Variants in SEMA3E observed in about 807,000 individuals in gnomAD.
The protein encoded by SEMA3E is semaphorin 3E, also known as semaphorin-3E.
In SEMA3E, 49 loss-of-function variants were observed where a neutral mutation model predicts 93.6. The ratio of observed to expected loss-of-function variants is 0.52; its 90% CI spans 0.42 to 0.66. The LOEUF is 0.66. Among genes scored for constraint, SEMA3E ranks in the 30% least tolerant of loss-of-function variants. The pLI is 0.00. For missense variants in SEMA3E, 906 were observed against 964.8 expected, an observed-to-expected ratio of 0.94 and a Z score of 0.81; for synonymous variants, 363 against 330.7, an observed-to-expected ratio of 1.10 and a Z score of -1.06.
chr7:83,387,721 AGAGTC>A (rs1306335673), intron 14 of SEMA3E, among the ~76,000 whole-genome samples: 2 of 151,166 alleles, frequency 1.3e-5, no homozygotes, highest in Non-Finnish European at 2.9e-5. Context: ...TCGTATAATT[AGAGTC>A]ATTTCTAGTA....
At position 83,579,094 on chromosome 7, in the gene SEMA3E, A is replaced by G. The variant is rs574833676; in HGVS notation, c.115+69334T>C. Among the ~76,000 whole-genome samples, 5 of 152,302 alleles carry G rather than the reference A, an allele frequency of 3.3e-5. No homozygotes were observed. In the South Asian group the frequency reaches 1.0e-3, roughly 32 times the overall value. ...AAGAGAGAACATGTTATCCTATTATAAAGTTTAACTATTTGCAGATACATG... is the reference window on the plus strand; with the variant it reads ...AAGAGAGAACATGTTATCCTATTATGAAGTTTAACTATTTGCAGATACATG... On this transcript the variant is annotated intron_variant, in intron 1 of 16. Coordinates refer to ENST00000643230, the MANE Select transcript of SEMA3E (RefSeq NM_012431.3).
At chr7:83,629,312 A>G (rs1191958242) in intron 1 of SEMA3E, among the ~76,000 whole-genome samples, 1 of 152,132 alleles carries the variant, frequency 6.6e-6, no homozygotes, top group Non-Finnish European at 1.5e-5. Context: ...GAGGCAGTCT[A>G]TCCCTTAGCA....
chr7:83,636,550 C>T (rs1160866711), intron 1 of SEMA3E, among the ~76,000 whole-genome samples: 1 of 152,062 alleles, frequency 6.6e-6, no homozygotes, highest in Non-Finnish European at 1.5e-5. Context: ...CAATAAAATG[C>T]AATATAACTG....
chr7:83,575,946 G>T (rs777464253), intron 1 of SEMA3E, among the ~76,000 whole-genome samples: 1 of 152,086 alleles, frequency 6.6e-6, no homozygotes, highest in Non-Finnish European at 1.5e-5. Flanking sequence ...AGGTGGTGAA[G>T]CATTTATTGA....
chr7:83,495,436 A>T (rs1562806635), intron 1 of SEMA3E, among the ~76,000 whole-genome samples: 1 of 151,242 alleles, frequency 6.6e-6, no homozygotes, highest in African/African-American at 2.4e-5. Context: ...TAGAAATTGC[A>T]GTATGCTTTA....
chr7:83,478,212 C>T (rs1016819694), intron 2 of SEMA3E, among the ~76,000 whole-genome samples: 16 of 152,034 alleles, frequency 1.1e-4, no homozygotes, highest in Non-Finnish European at 1.8e-4. Flanking sequence ...CGTGAGCCAC[C>T]GTGCCGGGCC....
intron 1 of SEMA3E, among the ~76,000 whole-genome samples, chr7:83,547,118 A>G (rs952338758): frequency 2.0e-5 from 3 of 152,148 alleles, no homozygotes; most frequent in African/African-American, 7.2e-5. Flanking sequence ...ACCAAATGTT[A>G]ACTGGAGCCA....
At chr7:83,580,403 T>G (rs1327655098) in intron 1 of SEMA3E, among the ~76,000 whole-genome samples, 5 of 152,026 alleles carry the variant, frequency 3.3e-5, no homozygotes, top group African/African-American at 9.6e-5. Flanking sequence ...TGGCTTCCTT[T>G]CAATCATTTC....
intron 9 of SEMA3E, among the ~76,000 whole-genome samples, chr7:83,403,153 C>T (rs1788263544): frequency 6.6e-6 from 1 of 151,846 alleles, no homozygotes; most frequent in African/African-American, 2.4e-5. Flanking sequence ...TTATGTTGTT[C>T]TATTTTCAAA....
chr7:83,545,897 AATATT>A (rs112874448), intron 1 of SEMA3E, among the ~76,000 whole-genome samples: 34,252 of 143,298 alleles, frequency 0.24, 6,666 homozygotes, highest in African/African-American at 0.54. Flanking sequence ...ATATGATAAA[AATATT>A]ATATATTATA....
Position 83,386,293 on chromosome 7 carries a change from C to A in SEMA3E, c.1735+690G>T, listed in dbSNP as rs183095683. Among the ~76,000 whole-genome samples the A allele has an allele frequency of 1.4e-3, 213 of 152,170 alleles. 3 individuals are homozygous for A. The highest frequency in any genetic ancestry group is 0.012 in the Admixed American group (186 of 15,248). On this transcript the variant is annotated intron_variant, in intron 15 of 16. Transcript: ENST00000643230. ...AGTCTCTGGCTCTGCGTATAGCCAC[C>A]GCTGGTTTCTCATTTATGGTGTCCC...
chr7:83,556,295 C>T (rs1791886259), intron 1 of SEMA3E, among the ~76,000 whole-genome samples: 1 of 152,122 alleles, frequency 6.6e-6, no homozygotes, highest in African/African-American at 2.4e-5. Flanking sequence ...AACGACTTTG[C>T]ATAGATATTA....
chr7:83,425,075 C>T (rs1473267514), intron 4 of SEMA3E: 1 of 158,196 alleles, frequency 6.3e-6, no homozygotes, highest in Non-Finnish European at 1.4e-5. Context: ...GTGCTCCATC[C>T]AGGTATAGTG....
intron 1 of SEMA3E, among the ~76,000 whole-genome samples, chr7:83,597,047 G>A (rs552388866): frequency 2.0e-5 from 3 of 152,098 alleles, no homozygotes; most frequent in South Asian, 2.1e-4. Flanking sequence ...CAACGGAACC[G>A]GTGACTGCCT....
At chr7:83,587,474 T>C (rs73710806) in intron 1 of SEMA3E, among the ~76,000 whole-genome samples, 2,753 of 152,278 alleles carry the variant, frequency 0.018, 87 homozygotes, top group African/African-American at 0.061. Context: ...TTAGAAGTCA[T>C]CAAGTTGGTC....
intron 1 of SEMA3E, among the ~76,000 whole-genome samples, chr7:83,588,480 T>C (rs1161596467): frequency 6.6e-6 from 1 of 152,128 alleles, no homozygotes; most frequent in Non-Finnish European, 1.5e-5. Flanking sequence ...TACTGAGTGA[T>C]CTAAGCATGG....
chr7:83,600,815 A>G (rs1301846382), intron 1 of SEMA3E, among the ~76,000 whole-genome samples: 1 of 152,190 alleles, frequency 6.6e-6, no homozygotes, highest in East Asian at 1.9e-4. Context: ...CCCAAAGTGC[A>G]GTACTAAGTG....
chr7:83,384,630 G>A (rs1256425781), intron 16 of SEMA3E, among the ~76,000 whole-genome samples: 1 of 151,896 alleles, frequency 6.6e-6, no homozygotes, highest in Non-Finnish European at 1.5e-5. Flanking sequence ...TCTATAGACA[G>A]CCCTTGACTC....
At chr7:83,434,290 T>C (rs1223102602) in intron 4 of SEMA3E, among the ~76,000 whole-genome samples, 1 of 152,168 alleles carries the variant, frequency 6.6e-6, no homozygotes, top group East Asian at 1.9e-4. Flanking sequence ...TGATCAAAAA[T>C]CTTTCTCTTA....
Sources: allele counts gnomAD v4.1 joint callset (sites outside exome capture counted in the v4.1 genomes callset), GRCh38; gene constraint gnomAD v4.1.1; transcripts MANE v1.5; gene names NCBI Gene and HGNC (gene_info 2026-07-23, HGNC 2026-07-21).